GRAP2: variants seen among roughly 807,000 people sequenced by gnomAD.
The protein encoded by GRAP2 is GRB2 related adaptor protein 2.
A neutral mutation model predicts 43.5 loss-of-function variants in GRAP2; 31 were observed. The ratio of observed to expected loss-of-function variants is 0.71; its 90% CI spans 0.54 to 0.96. The LOEUF is 0.96. Among genes scored for constraint, GRAP2 ranks in the 40% least tolerant of loss-of-function variants. The pLI is 0.00. For missense variants in GRAP2, 371 were observed against 424.4 expected, an observed-to-expected ratio of 0.87 and a Z score of 1.11; for synonymous variants, 156 against 164.8, an observed-to-expected ratio of 0.95 and a Z score of 0.41.
intron 4 of GRAP2, among the ~76,000 whole-genome samples, chr22:39,962,117 C>A (rs761698916): frequency 5.3e-5 from 8 of 152,188 alleles, no homozygotes; most frequent in Non-Finnish European, 1.2e-4. Flanking sequence ...AAATTTCGCT[C>A]CATTAACATA....
intron 1 of GRAP2, among the ~76,000 whole-genome samples, chr22:39,917,596 C>T (rs2066613341): frequency 6.6e-6 from 1 of 152,148 alleles, no homozygotes; most frequent in African/African-American, 2.4e-5. Flanking sequence ...TGTTGACCTT[C>T]TGGATATATG....
At chr22:39,939,487 G>C (rs1043036082) in intron 1 of GRAP2, among the ~76,000 whole-genome samples, 1 of 151,224 alleles carries the variant, frequency 6.6e-6, no homozygotes, top group East Asian at 2.0e-4. Flanking sequence ...GCATGAACCC[G>C]GGAGCTGGAG....
chr22:39,912,904 G>T (rs1438050452), intron 1 of GRAP2, among the ~76,000 whole-genome samples: 1 of 151,802 alleles, frequency 6.6e-6, no homozygotes, highest in African/African-American at 2.4e-5. Context: ...AGAGGACAGG[G>T]CTAAAAGGCC....
intron 3 of GRAP2, among the ~76,000 whole-genome samples, chr22:39,958,718 T>G (rs1231041890): frequency 6.6e-6 from 1 of 152,212 alleles, no homozygotes; most frequent in African/African-American, 2.4e-5. Flanking sequence ...TCTGAAATGT[T>G]TCCTTTGCGA....
intron 3 of GRAP2, among the ~76,000 whole-genome samples, chr22:39,959,687 C>T (rs1265362020): frequency 2.6e-5 from 4 of 152,184 alleles, no homozygotes; most frequent in Admixed American, 2.6e-4. Flanking sequence ...CCCAGTGCAT[C>T]CTCTGTCCTC....
At chr22:39,894,779 G>A in the GRAP2 span, among the ~76,000 whole-genome samples, 1 of 152,210 alleles carries the variant, frequency 6.6e-6, no homozygotes, top group African/African-American at 2.4e-5. Flanking sequence ...TGCTGGATAC[G>A]TTTACAGGCT....
chr22:39,924,847 AAAACTC>A (rs1338486848), intron 1 of GRAP2, among the ~76,000 whole-genome samples: 1 of 152,254 alleles, frequency 6.6e-6, no homozygotes, highest in Non-Finnish European at 1.5e-5. Flanking sequence ...CTGGAGAAGT[AAAACTC>A]AAACCACAAA....
chr22:39,918,649 A>G (rs992720276), intron 1 of GRAP2, among the ~76,000 whole-genome samples: 2 of 152,202 alleles, frequency 1.3e-5, no homozygotes, highest in African/African-American at 4.8e-5. Context: ...GTGCTGCCCA[A>G]ACAAGGAACA....
At chr22:39,954,605 G>C (rs2067026447) in intron 2 of GRAP2, among the ~76,000 whole-genome samples, 1 of 152,116 alleles carries the variant, frequency 6.6e-6, no homozygotes, top group South Asian at 2.1e-4. Context: ...ATGATGGACA[G>C]GCTGGTCTCG....
At chr22:39,921,430 G>A (rs1301430153) in intron 1 of GRAP2, among the ~76,000 whole-genome samples, 1 of 152,218 alleles carries the variant, frequency 6.6e-6, no homozygotes, top group South Asian at 2.1e-4. Flanking sequence ...ATCTGTAATA[G>A]TGACTTGAAA....
chr22:39,957,470 G>C (rs1035817538), intron 3 of GRAP2, among the ~76,000 whole-genome samples: 1 of 152,040 alleles, frequency 6.6e-6, no homozygotes, highest in African/African-American at 2.4e-5. Flanking sequence ...TCAAACAGTC[G>C]GCCTTTCCTG....
Position 39,943,475 on chromosome 22 carries a change from G to A in GRAP2, c.-14-3618G>A, listed in dbSNP as rs1416340362. Among the ~76,000 whole-genome samples the A allele has an allele frequency of 5.9e-5, 9 of 152,246 alleles. No individual in the cohort carries two copies. In the East Asian group the frequency reaches 1.5e-3, roughly 26 times the overall value. On this transcript the variant is annotated intron_variant, in intron 1 of 7. Transcript: ENST00000344138. ...GCTCTTAAAGGGGTAAGCGAGAGAG[G>A]TGCAGAGGGCTGGTGAGAAGCAGAG...
intron 1 of GRAP2, chr22:39,926,580 T>TG: frequency 1.0e-6 from 1 of 984,264 alleles, no homozygotes; most frequent in Non-Finnish European, 1.2e-6. Context: ...ATGCTCTAGC[T>TG]GGGGGTGGGG....
chr22:39,908,987 A>G (rs2145572312), intron 1 of GRAP2, among the ~76,000 whole-genome samples: 1 of 152,256 alleles, frequency 6.6e-6, no homozygotes, highest in Non-Finnish European at 1.5e-5. Flanking sequence ...ACTGTGCCTC[A>G]TCGACTCCTC....
At chr22:39,900,763 C>G (rs1006730106), upstream of GRAP2, among the ~76,000 whole-genome samples, 1 of 152,068 alleles carries the variant, frequency 6.6e-6, no homozygotes, top group Non-Finnish European at 1.5e-5. Flanking sequence ...TGTGAGTGAT[C>G]GAGGGTGCTC....
chr22:39,919,772 T>C (rs745824380), intron 1 of GRAP2, among the ~76,000 whole-genome samples: 8 of 152,254 alleles, frequency 5.3e-5, no homozygotes, highest in Non-Finnish European at 1.2e-4. Context: ...TGAGCAAGCA[T>C]TGGAGTAAGT....
chr22:39,904,204 C>T (rs1469749078), intron 1 of GRAP2, among the ~76,000 whole-genome samples: 1 of 152,144 alleles, frequency 6.6e-6, no homozygotes, highest in Admixed American at 6.5e-5. Context: ...GCCTGGCCAA[C>T]ATGTTGAAAC....
At chr22:39,920,782 C>T (rs541110812) in intron 1 of GRAP2, among the ~76,000 whole-genome samples, 19 of 151,950 alleles carry the variant, frequency 1.3e-4, no homozygotes, top group African/African-American at 4.3e-4. Flanking sequence ...CATGTCAGGT[C>T]TTATAAATAC....
intron 1 of GRAP2, among the ~76,000 whole-genome samples, chr22:39,939,434 C>G (rs1266673618): frequency 6.6e-6 from 1 of 151,614 alleles, no homozygotes; most frequent in Non-Finnish European, 1.5e-5. Flanking sequence ...TGGTGGCAGG[C>G]GCCTGTAGTC....
Sources: gnomAD v4.1 joint callset for allele counts (sites outside exome capture counted in the v4.1 genomes callset) on GRCh38, gnomAD v4.1.1 for gene constraint, MANE v1.5 for transcripts, NCBI Gene and HGNC (gene_info 2026-07-23, HGNC 2026-07-21) for gene names.